The following MAGED1 variants were observed in gnomAD, a reference collection of about 807,000 sequenced individuals.
MAGED1 encodes the protein MAGE family member D1, also known as melanoma-associated antigen D1.
A neutral mutation model predicts 54.1 loss-of-function variants in MAGED1; 3 were observed. That is an observed-to-expected ratio of 0.06 (90% CI 0.03 to 0.14). The LOEUF is 0.14. Among genes scored for constraint, MAGED1 ranks in the 10% least tolerant of loss-of-function variants. MAGED1 has a pLI of 1.00. For synonymous variants in MAGED1, 217 were observed against 227.3 expected (o/e 0.95, Z 0.41); for missense variants, 485 against 623.4 (o/e 0.78, Z 2.36).
chrX:51,898,827 A>G (rs1928879681), intron 10 of MAGED1, 184 bp downstream of exon 10: 1 of 385,537 alleles, frequency 2.6e-6, no homozygotes, highest in East Asian at 4.3e-5. Context: ...ACATAACGAA[A>G]CCCCATCTCT....
chrX:51,806,118 C>T (rs981205847), intron 1 of MAGED1, among the ~76,000 whole-genome samples: 5 of 108,382 alleles, frequency 4.6e-5, no homozygotes, highest in Admixed American at 9.9e-5. Context: ...GGATTACAGG[C>T]ACATGCCACC....
At chrX:51,841,923 T>A (rs1926507725) in intron 1 of MAGED1, among the ~76,000 whole-genome samples, 1 of 111,899 alleles carries the variant, frequency 8.9e-6, no homozygotes, top group Non-Finnish European at 1.9e-5. Context: ...ATGCGGGCTC[T>A]TTTTTGGTTC....
chrX:51,847,688 A>T (rs1926735099), intron 1 of MAGED1, among the ~76,000 whole-genome samples: 1 of 111,660 alleles, frequency 9.0e-6, no homozygotes, highest in East Asian at 2.8e-4. Context: ...TGAACTTCCC[A>T]TGGCTCCACC....
At position 51,896,578 on chromosome X, in the gene MAGED1, G is replaced by C. The variant is rs1928758606; in HGVS notation, c.923G>C (p.Trp308Ser). Residue 308 changes from tryptophan to serine, a missense_variant, in exon 4 of 13, where the codon TGG (tryptophan) becomes TCG (serine). This residue lies in a region of MAGED1 where 299 missense variants were observed against 293.1 expected (regional missense o/e 1.02). Transcript: ENST00000326587. ...TPLAWQNPSGWQNQTARQTPP... is the reference protein window; with the variant it reads ...TPLAWQNPSGSQNQTARQTPP... ...TTGGCTTGGCAGAACCCCTCAGGCT[G>C]GCAAAACCAGACAGCCAGGCAGACC... 1 of 1,210,068 alleles carries C rather than the reference G, an allele frequency of 8.3e-7. No individual in the cohort carries two copies. Among genetic ancestry groups the C allele is most frequent in the East Asian group, 3.0e-5 (1 of 33,744 alleles).
chrX:51,831,800 C>T (rs1926079504), intron 1 of MAGED1, among the ~76,000 whole-genome samples: 1 of 110,787 alleles, frequency 9.0e-6, no homozygotes, highest in Non-Finnish European at 1.9e-5. Flanking sequence ...CTATGGGTAA[C>T]TTCCTTTTCA....
chrX:51,895,949 A>G (rs182537759), intron 3 of MAGED1, among the ~76,000 whole-genome samples, 189 bp downstream of exon 3: 88 of 112,786 alleles, frequency 7.8e-4, no homozygotes, highest in Non-Finnish European at 1.2e-3. Flanking sequence ...GGACACAAAT[A>G]ATATATACAA....
intron 1 of MAGED1, among the ~76,000 whole-genome samples, chrX:51,878,843 T>C (rs186603510): frequency 8.9e-6 from 1 of 111,754 alleles, no homozygotes; most frequent in Admixed American, 9.5e-5. Flanking sequence ...GTGTTTATTC[T>C]GAGGCACCAT....
In MAGED1 at chrX:51,814,196, T is replaced by A. The variant is rs1925323040; in HGVS notation, c.-37+11079T>A. Among the ~76,000 whole-genome samples the A allele has an allele frequency of 2.7e-5, 3 of 110,989 alleles. No individual in the cohort carries two copies. In the South Asian group the frequency reaches 1.2e-3, roughly 43 times the overall value. On this transcript the variant is annotated intron_variant, in intron 1 of 12. Transcript: ENST00000375772. The stretch of plus-strand genomic sequence containing the variant: ...ACAGCTATTATGTGGCTTGCTGGGG[T>A]CTGGACTTCGAAGCACAAATGACTC...
chrX:51,827,822 G>T (rs1404354065), intron 1 of MAGED1, among the ~76,000 whole-genome samples: 1 of 112,005 alleles, frequency 8.9e-6, no homozygotes, highest in Non-Finnish European at 1.9e-5. Flanking sequence ...AAAAAAATCT[G>T]TGATTGTATT....
Position 51,813,251 on chromosome X carries a change from G to A in MAGED1, c.-37+10134G>A, listed in dbSNP as rs535826455. ...TTGGTCAGGCTGGTCTCGAACTTCC[G>A]ACCTCAGGTGACCCACCCGCCTCTG... On this transcript the variant is annotated intron_variant, in intron 1 of 12. Coordinates refer to the MAGED1 transcript ENST00000375772. Among the ~76,000 whole-genome samples the A allele has an allele frequency of 3.6e-5, 4 of 109,717 alleles. No individual in the cohort carries two copies. In the South Asian group the frequency reaches 1.6e-3, roughly 44 times the overall value.
chrX:51,805,423 T>C (rs1235379442), intron 1 of MAGED1, among the ~76,000 whole-genome samples: 1 of 110,771 alleles, frequency 9.0e-6, no homozygotes, highest in Non-Finnish European at 1.9e-5. Context: ...TTAAGGTTTT[T>C]CAGGCACTCA....
chrX:51,895,847 T>C lies in MAGED1; in HGVS notation c.753+87T>C, dbSNP rs1928728678. The C allele has an allele frequency of 5.5e-6, 4 of 732,913 alleles. No individual in the cohort carries two copies. The South Asian group carries it at 1.1e-4, about 21-fold the overall frequency. 60.4% of individuals were successfully genotyped at this position (732,913 alleles called of 1,213,427 possible). A position where few individuals can be genotyped will look rare whatever the true frequency, so the allele number is the denominator to read the frequency against. On this transcript the variant is annotated intron_variant, in intron 3 of 12. Transcript: ENST00000326587. ...CATTTGTTCTAAACAAAACAATGTA[T>C]GTAACTGTATTCAGCTAGGCTATAG...
intron 1 of MAGED1, among the ~76,000 whole-genome samples, chrX:51,834,584 C>G (rs918874554): frequency 7.5e-4 from 84 of 111,447 alleles, no homozygotes; most frequent in African/African-American, 2.7e-3. Context: ...TAGGTTGTTT[C>G]CTTTTTTTTA....
At chrX:51,811,436 G>C (rs974462685) in intron 1 of MAGED1, among the ~76,000 whole-genome samples, 10 of 112,027 alleles carry the variant, frequency 8.9e-5, no homozygotes, top group South Asian at 7.4e-4. Flanking sequence ...GTTAAACACA[G>C]GTTTGTGGTT....
chrX:51,874,341 G>C (rs1460010957), intron 1 of MAGED1, among the ~76,000 whole-genome samples: 1 of 111,371 alleles, frequency 9.0e-6, no homozygotes, highest in Non-Finnish European at 1.9e-5. Flanking sequence ...AATCAGGGAA[G>C]TAAAAGCAGG....
chrX:51,820,468 C>T (rs1183316868), intron 1 of MAGED1, among the ~76,000 whole-genome samples: 1 of 111,624 alleles, frequency 9.0e-6, no homozygotes, highest in Non-Finnish European at 1.9e-5. Context: ...TTGTAGTTTT[C>T]AGTGTACAAG....
At chrX:51,876,031 C>T (rs1333503617) in intron 1 of MAGED1, among the ~76,000 whole-genome samples, 4 of 110,952 alleles carry the variant, frequency 3.6e-5, no homozygotes, top group Non-Finnish European at 7.6e-5. Flanking sequence ...AAACCCACAC[C>T]CACACCCATA....
At chrX:51,862,511 A>G (rs1557360768) in intron 1 of MAGED1, among the ~76,000 whole-genome samples, 1 of 111,447 alleles carries the variant, frequency 9.0e-6, no homozygotes. Context: ...TGATTTTTGT[A>G]TTAACAATTT....
intron 1 of MAGED1, among the ~76,000 whole-genome samples, chrX:51,868,606 A>G (rs1381875138): frequency 8.9e-6 from 1 of 111,798 alleles, no homozygotes; most frequent in Non-Finnish European, 1.9e-5. Context: ...AGTTGTAGTT[A>G]TGGTCACAGT....
Sources: gnomAD v4.1 joint callset for allele counts (sites outside exome capture counted in the v4.1 genomes callset) on GRCh38, gnomAD v4.1.1 for gene constraint, gnomAD v4.1.1 regional missense constraint, MANE v1.5 for transcripts, NCBI Gene and HGNC (gene_info 2026-07-23, HGNC 2026-07-21) for gene names.